Variants in BCAS3 observed in about 807,000 individuals in gnomAD.
The protein encoded by BCAS3 is BCAS4/BCAS3 fusion.
Under a neutral mutation model 116.1 loss-of-function variants are expected in BCAS3, and 53 were observed. That is an observed-to-expected ratio of 0.46 (90% CI 0.37 to 0.57). The LOEUF is 0.57. BCAS3 is among the 20% of genes least tolerant of loss of function. The pLI is 0.00. For synonymous variants in BCAS3, 391 were observed against 408.2 expected, an observed-to-expected ratio of 0.96 and a Z score of 0.51; for missense variants, 917 against 1,165.4, an observed-to-expected ratio of 0.79 and a Z score of 3.10.
intron 14 of BCAS3, among the ~76,000 whole-genome samples, chr17:60,982,655 T>G (rs1032523417): frequency 3.3e-5 from 5 of 152,206 alleles, no homozygotes; most frequent in African/African-American, 1.2e-4. Context: ...ATTATTCCCA[T>G]AAAAAGAATG....
intron 13 of BCAS3, among the ~76,000 whole-genome samples, chr17:60,934,666 A>C (rs914784563): frequency 3.3e-5 from 5 of 152,194 alleles, no homozygotes; most frequent in Non-Finnish European, 5.9e-5. Flanking sequence ...TTGTTTCACT[A>C]TTCTTATTCA....
intron 22 of BCAS3, among the ~76,000 whole-genome samples, chr17:61,290,309 C>G (rs1233132235): frequency 6.6e-6 from 1 of 151,874 alleles, no homozygotes; most frequent in African/African-American, 2.4e-5. Context: ...AATTGAGGAG[C>G]AGTAAGCAGA....
intron 23 of BCAS3, among the ~76,000 whole-genome samples, chr17:61,373,476 CTG>C (rs2059155108): frequency 6.6e-6 from 1 of 150,832 alleles, no homozygotes; most frequent in African/African-American, 2.4e-5. Flanking sequence ...GTCACCCAGA[CTG>C]GAGTGCTGTG....
chr17:61,221,034 A>T (rs1056294262), intron 22 of BCAS3, among the ~76,000 whole-genome samples: 11 of 152,234 alleles, frequency 7.2e-5, no homozygotes, highest in Admixed American at 7.2e-4. Context: ...CGGGAGGCAG[A>T]GCTCGCAGTG....
intron 16 of BCAS3, among the ~76,000 whole-genome samples, chr17:61,022,085 G>T (rs1201699248): frequency 6.6e-6 from 1 of 152,086 alleles, no homozygotes; most frequent in Non-Finnish European, 1.5e-5. Flanking sequence ...ATTTTCATTG[G>T]AATATGTATG....
Position 61,180,651 on chromosome 17 carries a change from C to T in BCAS3, c.2425+96087C>T, listed in dbSNP as rs1172359014. Among the ~76,000 whole-genome samples, 1 of 152,194 alleles carries T rather than the reference C, an allele frequency of 6.6e-6. No individual in the cohort carries two copies. The highest frequency in any genetic ancestry group is 2.4e-5 in the African/African-American group (1 of 41,456). ...AGCATGTGATGGCAGAAGCTTGCTA[C>T]CTGTCTGAGGAGCATCAGTCCCATG... On this transcript the variant is annotated intron_variant, in intron 22 of 23. Transcript: ENST00000407086. The surrounding 1 kb of genome is among the most constrained non-coding windows in gnomAD (Gnocchi z 6.0).
intron 12 of BCAS3, among the ~76,000 whole-genome samples, chr17:60,921,149 G>A (rs993299654): frequency 6.6e-6 from 1 of 152,066 alleles, no homozygotes; most frequent in Non-Finnish European, 1.5e-5. Flanking sequence ...GCAAAGACAT[G>A]GAATCAGCCT....
rs1555864063 is a variant in BCAS3 at position 61,377,184 on chromosome 17, T to G, written c.2593+8690T>G. On this transcript the variant is annotated intron_variant, in intron 23 of 23. Coordinates refer to ENST00000407086, the MANE Select transcript of BCAS3 (RefSeq NM_017679.5). The surrounding 1 kb of genome is among the most constrained non-coding windows in gnomAD (Gnocchi z 4.6). ...CGGAGGCAAAGCTGGAACTCCCCAG[T>G]GCCTAATGCCCTGATTGCTGAGGGT... is the stretch of plus-strand genomic sequence containing the variant. Among the ~76,000 whole-genome samples, 1 of 152,156 alleles carries G rather than the reference T, an allele frequency of 6.6e-6. No individual in the cohort carries two copies. The highest frequency in any genetic ancestry group is 1.5e-5 in the Non-Finnish European group (1 of 68,020).
At chr17:60,903,363 A>G (rs1160283189) in intron 11 of BCAS3, among the ~76,000 whole-genome samples, 1 of 152,234 alleles carries the variant, frequency 6.6e-6, no homozygotes, top group Non-Finnish European at 1.5e-5. Context: ...TTCATATTTG[A>G]TCACAGACGC....
intron 6 of BCAS3, among the ~76,000 whole-genome samples, chr17:60,756,741 G>A (rs117133038): frequency 0.012 from 1,901 of 152,318 alleles, 19 homozygotes; most frequent in Non-Finnish European, 0.018. Context: ...ACATGTGAGT[G>A]CAGGTTATAC....
rs998029370 is a variant in BCAS3 at position 61,189,032 on chromosome 17, G to A, written c.2425+104468G>A. Among the ~76,000 whole-genome samples, 2 of 152,094 alleles carry A rather than the reference G, an allele frequency of 1.3e-5. No individual in the cohort carries two copies. Among genetic ancestry groups the A allele is most frequent in the Non-Finnish European group, 2.9e-5 (2 of 68,006 alleles). On this transcript the variant is annotated intron_variant, in intron 22 of 23. Coordinates refer to ENST00000407086, the MANE Select transcript of BCAS3 (RefSeq NM_017679.5). The surrounding 1 kb of genome is among the most constrained non-coding windows in gnomAD (Gnocchi z 4.5). Reference sequence around the variant, plus strand: ...GCAGGAGAATTGCTTGAGGCCGGGAGATTGAGGCTGCAGTGAGCTGCTATT... The same window carrying A: ...GCAGGAGAATTGCTTGAGGCCGGGAAATTGAGGCTGCAGTGAGCTGCTATT...
In BCAS3 at chr17:61,017,879, C is replaced by G. The variant is rs1428150095; in HGVS notation, c.1637+1978C>G. On this transcript the variant is annotated intron_variant, in intron 16 of 23. Coordinates refer to ENST00000407086, the MANE Select transcript of BCAS3 (RefSeq NM_017679.5). The surrounding 1 kb of genome is among the most constrained non-coding windows in gnomAD (Gnocchi z 4.7). ...AAACTGTTAGTCATTTGGTGTCCTC[C>G]TGTGTTACTACACATTATGAATTTA... Among the ~76,000 whole-genome samples the G allele has an allele frequency of 6.6e-6, 1 of 152,096 alleles. No homozygotes were observed. Among genetic ancestry groups the G allele is most frequent in the African/African-American group, 2.4e-5 (1 of 41,416 alleles).
At chr17:60,737,730 T>G (rs1044849612) in intron 5 of BCAS3, among the ~76,000 whole-genome samples, 2 of 151,904 alleles carry the variant, frequency 1.3e-5, no homozygotes, top group Non-Finnish European at 2.9e-5. Flanking sequence ...ATTTCTACTT[T>G]AATAATTCTA....
intron 10 of BCAS3, among the ~76,000 whole-genome samples, chr17:60,894,909 A>T (rs929271695): frequency 2.6e-5 from 4 of 152,140 alleles, no homozygotes; most frequent in African/African-American, 9.7e-5. Flanking sequence ...TCTCTGGAAT[A>T]AATCCCCCTT....
chr17:61,021,591 G>A lies in BCAS3; in HGVS notation c.1637+5690G>A, dbSNP rs2065880603. Among the ~76,000 whole-genome samples, 1 of 152,104 alleles carries A rather than the reference G, an allele frequency of 6.6e-6. No homozygotes were observed. Among genetic ancestry groups the A allele is most frequent in the African/African-American group, 2.4e-5 (1 of 41,412 alleles). On this transcript the variant is annotated intron_variant, in intron 16 of 23. Transcript: ENST00000407086. This position sits in a 1 kb window ranked among gnomAD's most constrained non-coding sequence, Gnocchi z 4.6. ...ATTATAATCTTTTAATCCTTATCAT[G>A]TATGAGTTTCTACCAGTTCTTTGGT...
rs554581957 is a variant in BCAS3 at position 61,243,580 on chromosome 17, A to G, written c.2426-124747A>G. ...TGTCATAAGTGTGTCTCAAGAAAAT[A>G]TAAAGACAGTATAAGAAGACTTAGA... On this transcript the variant is annotated intron_variant, in intron 22 of 23. Transcript: ENST00000407086. The surrounding 1 kb of genome is among the most constrained non-coding windows in gnomAD (Gnocchi z 5.6). Among the ~76,000 whole-genome samples the G allele has an allele frequency of 6.6e-6, 1 of 152,174 alleles. No homozygotes were observed. The highest frequency in any genetic ancestry group is 1.5e-5 in the Non-Finnish European group (1 of 68,026).
chr17:60,967,601 A>T lies in BCAS3; in HGVS notation c.1221+20249A>T, dbSNP rs2061727777. Among the ~76,000 whole-genome samples the T allele has an allele frequency of 6.6e-6, 1 of 151,978 alleles. No homozygotes were observed. The highest frequency in any genetic ancestry group is 1.5e-5 in the Non-Finnish European group (1 of 67,974). ...CTTAAGTTTTAGAAAGTTTTCCATT[A>T]TTATTTCTTTGGCTGCATTTTCTAC... On this transcript the variant is annotated intron_variant, in intron 14 of 23. Coordinates refer to ENST00000407086, the MANE Select transcript of BCAS3 (RefSeq NM_017679.5). The surrounding 1 kb of genome is among the most constrained non-coding windows in gnomAD (Gnocchi z 4.7).
intron 13 of BCAS3, among the ~76,000 whole-genome samples, chr17:60,931,950 G>A (rs1269718850): frequency 6.6e-6 from 1 of 152,096 alleles, no homozygotes; most frequent in Admixed American, 6.6e-5. Flanking sequence ...GTGCACTCCT[G>A]TAGGTCTAGC....
At chr17:61,320,554 C>T (rs1156345243) in intron 22 of BCAS3, among the ~76,000 whole-genome samples, 2 of 151,776 alleles carry the variant, frequency 1.3e-5, no homozygotes, top group African/African-American at 2.4e-5. Context: ...TGGTGGCGGG[C>T]GCCTGTACCT....
Sources: gnomAD v4.1 joint callset for allele counts (sites outside exome capture counted in the v4.1 genomes callset) on GRCh38, gnomAD v4.1.1 for gene constraint, Gnocchi (gnomAD v3.1) non-coding constraint, MANE v1.5 for transcripts, NCBI Gene and HGNC (gene_info 2026-07-23, HGNC 2026-07-21) for gene names.